Variants in SYK observed in about 807,000 individuals in gnomAD.
SYK encodes spleen associated tyrosine kinase, also known as tyrosine-protein kinase SYK.
SYK carries 16 observed loss-of-function variants against 77.8 expected under a neutral mutation model. The observed-to-expected ratio is 0.21, with a 90% CI of 0.14 to 0.31. The LOEUF (loss-of-function observed/expected upper bound fraction) is 0.31. Among genes scored for constraint, SYK ranks in the 10% least tolerant of loss-of-function variants. SYK has a pLI of 1.00. For missense variants in SYK, 529 were observed against 814.4 expected, an observed-to-expected ratio of 0.65 and a Z score of 4.26; for synonymous variants, 312 against 308.7, an observed-to-expected ratio of 1.01 and a Z score of -0.11.
intron 11 of SYK, among the ~76,000 whole-genome samples, chr9:90,884,151 G>GTATA (rs1320683584): frequency 6.3e-5 from 6 of 94,562 alleles, no homozygotes; most frequent in African/African-American, 1.7e-4. Flanking sequence ...ATATGTGTGT[G>GTATA]TGTATATATA....
rs534733822 is a variant in SYK, at chr9:90,863,130, T to C, written c.717+786T>C. 3.0e-4 allele frequency among the ~76,000 whole-genome samples: 45 copies of C among 152,330 alleles called. 1 individual carries two copies. The highest frequency in any genetic ancestry group is 1.0e-3 in the African/African-American group (43 of 41,578). On this transcript the variant is annotated intron_variant, in intron 4 of 13. Coordinates refer to ENST00000375754, the MANE Select transcript of SYK (RefSeq NM_003177.7). ...AATCGCAGTGAGCACAGATTGCTTG[T>C]CTTAATTTTGCATCACAGCTACACT...
rs544134548 is a variant in SYK at position 90,875,239 on chromosome 9, A to AT, written c.1181+390_1181+391insT. Among the ~76,000 whole-genome samples, 1,282 of 144,434 alleles carry AT rather than the reference A, an allele frequency of 8.9e-3. 12 individuals carry two copies. Among genetic ancestry groups the AT allele is most frequent in the African/African-American group, 0.032 (1,228 of 38,848 alleles). The allele number at this position is 144,434 out of a possible 152,430, so 94.8% of individuals were successfully genotyped here. On this transcript the variant is annotated intron_variant, in intron 9 of 13. Transcript: ENST00000375754. ...CATAGCAAGACCCTGTCTCTACAAAAAAAATAAATAAATAAATAAATAAAT... is the reference window on the plus strand; with the variant it reads ...CATAGCAAGACCCTGTCTCTACAAAATAAAATAAATAAATAAATAAATAAAT...
At chr9:90,814,670 T>C in intron 1 of SYK, among the ~76,000 whole-genome samples, 1 of 152,202 alleles carries the variant, frequency 6.6e-6, no homozygotes, top group East Asian at 1.9e-4. Flanking sequence ...TGTTGATACC[T>C]GCAGCTCCCA....
chr9:90,878,994 A>C (rs1347999284), intron 11 of SYK, 41 bp downstream of exon 11: 4 of 1,430,666 alleles, frequency 2.8e-6, no homozygotes, highest in Non-Finnish European at 3.9e-6. Flanking sequence ...GCAGGTGGTA[A>C]AAAATGCAAG....
intron 1 of SYK, among the ~76,000 whole-genome samples, chr9:90,815,990 A>G (rs1346915688): frequency 6.6e-6 from 1 of 152,138 alleles, no homozygotes; most frequent in African/African-American, 2.4e-5. Flanking sequence ...GGAAAAGAGC[A>G]CTCTGTGTGA....
At chr9:90,865,891 CTTTTTTT>C (rs10680406) in intron 6 of SYK, among the ~76,000 whole-genome samples, 3 of 61,262 alleles carry the variant, frequency 4.9e-5, no homozygotes, top group African/African-American at 2.1e-4. Context: ...TACATATGGC[CTTTTTTT>C]TTTTTTTTTT....
rs1828639293 is a variant in SYK, at chr9:90,887,870, A to G, written c.1703A>G (p.Tyr568Cys). 1 of 1,610,418 alleles carries G rather than the reference A, an allele frequency of 6.2e-7. No individual in the cohort carries two copies. The highest frequency in any genetic ancestry group is 1.7e-5 in the Admixed American group (1 of 59,664). The change falls in exon 12 of 14, where the codon TAT becomes TGT. Residue 568 changes from tyrosine (Y) to cysteine (C), a missense_variant. Tyr to Cys is a radical substitution (Grantham distance 194). Coordinates refer to ENST00000375754, the MANE Select transcript of SYK (RefSeq NM_003177.7). ...GTGTTGATGTGGGAAGCATTCTCCT[A>G]TGGGCAGAAGCCATATCGAGTGAGC... ...FGVLMWEAFS[Y>C]GQKPYRGMKG...
chr9:90,858,130 C>T (rs902605912), intron 3 of SYK, among the ~76,000 whole-genome samples: 9 of 152,164 alleles, frequency 5.9e-5, no homozygotes, highest in Non-Finnish European at 1.3e-4. Context: ...ATTCTCTCTC[C>T]CCTAGGAGGG....
At chr9:90,829,119 T>C (rs1160409270) in intron 1 of SYK, among the ~76,000 whole-genome samples, 1 of 152,082 alleles carries the variant, frequency 6.6e-6, no homozygotes, top group African/African-American at 2.4e-5. Flanking sequence ...TGAAACCCTG[T>C]CTCTACTAAA....
intron 1 of SYK, among the ~76,000 whole-genome samples, chr9:90,824,987 T>C (rs1220861889): frequency 6.6e-6 from 1 of 151,900 alleles, no homozygotes; most frequent in East Asian, 1.9e-4. Context: ...ATAAAACAAC[T>C]CTAATAACCA....
chr9:90,803,665 T>C (rs1239885053), intron 1 of SYK, among the ~76,000 whole-genome samples: 1 of 152,144 alleles, frequency 6.6e-6, no homozygotes, highest in Non-Finnish European at 1.5e-5. Flanking sequence ...AGAACTTCAC[T>C]TATTTAGCAC....
chr9:90,890,923 G>T (rs1049100991), intron 13 of SYK, among the ~76,000 whole-genome samples: 1 of 152,124 alleles, frequency 6.6e-6, no homozygotes, highest in East Asian at 1.9e-4. Flanking sequence ...AAAGAGAAAA[G>T]CTCTCTTTCC....
intron 3 of SYK, among the ~76,000 whole-genome samples, chr9:90,854,842 A>G (rs1403052398): frequency 6.6e-6 from 1 of 152,002 alleles, no homozygotes; most frequent in Non-Finnish European, 1.5e-5. Context: ...TAAGCAGTGT[A>G]ATCTTTGAGT....
In SYK at chr9:90,841,190, G is replaced by A. The variant is rs575585233; in HGVS notation, c.-41-2668G>A. Among the ~76,000 whole-genome samples, 23 of 151,280 alleles carry A rather than the reference G, an allele frequency of 1.5e-4. No individual in the cohort carries two copies. In the East Asian group the frequency reaches 2.7e-3, roughly 18 times the overall value. On this transcript the variant is annotated intron_variant, in intron 1 of 13. Coordinates refer to ENST00000375754, the MANE Select transcript of SYK (RefSeq NM_003177.7). Reference sequence around the variant, plus strand: ...TTGTGTGTGTTTTTATGTGTAGTGTGTAGTATGTGTGTTGCATGTAGTGTG... The same window carrying A: ...TTGTGTGTGTTTTTATGTGTAGTGTATAGTATGTGTGTTGCATGTAGTGTG...
chr9:90,845,283 G>A, intron 2 of SYK, 151 bp from the exon 3 acceptor site: 1 of 775,846 alleles, frequency 1.3e-6, no homozygotes, highest in Non-Finnish European at 2.0e-6. Flanking sequence ...AATGTGTAAA[G>A]GTCTTTCTGG....
Position 90,845,434 on chromosome 9 carries a change from G to C in SYK, c.418G>C (p.Gly140Arg), listed in dbSNP as rs1483994642. 1 of 1,613,426 alleles carries C rather than the reference G, an allele frequency of 6.2e-7. No homozygotes were observed. Among genetic ancestry groups the C allele is most frequent in the East Asian group, 2.2e-5 (1 of 44,874 alleles). The change falls in exon 3 of 14, where the codon GGT becomes CGT. Residue 140 changes from glycine (G) to arginine (R), a missense_variant and splice_region_variant. Coordinates refer to ENST00000375754, the MANE Select transcript of SYK (RefSeq NM_003177.7). ...EYVKQTWNLQ[G>R]QALEQAIISQ... ...CTCTGCTTTGCTCTCCATGTGGCAG[G>C]GTCAGGCTCTGGAGCAGGCCATCAT...
chr9:90,837,725 G>A (rs144199995), intron 1 of SYK, among the ~76,000 whole-genome samples: 49 of 152,290 alleles, frequency 3.2e-4, no homozygotes, highest in Middle Eastern at 3.4e-3. Flanking sequence ...GAGAGATGGC[G>A]GTGGCTTCCA....
At chr9:90,834,478 G>A (rs1395731071) in intron 1 of SYK, among the ~76,000 whole-genome samples, 6 of 152,312 alleles carry the variant, frequency 3.9e-5, no homozygotes, top group African/African-American at 1.2e-4. Flanking sequence ...CAGCGTTCCC[G>A]ATTCTCACCT....
At chr9:90,865,890 C>CGTT (rs1564106023) in intron 6 of SYK, among the ~76,000 whole-genome samples, 2 of 49,538 alleles carry the variant, frequency 4.0e-5, no homozygotes, top group Non-Finnish European at 7.1e-5. Context: ...CTACATATGG[C>CGTT]CTTTTTTTTT....
Sources: allele counts gnomAD v4.1 joint callset (sites outside exome capture counted in the v4.1 genomes callset), GRCh38; gene constraint gnomAD v4.1.1; transcripts MANE v1.5; gene names NCBI Gene and HGNC (gene_info 2026-07-23, HGNC 2026-07-21).